The following PIN4 variants were observed in gnomAD, a reference collection of about 807,000 sequenced individuals.
PIN4 encodes the protein peptidylprolyl cis/trans isomerase, NIMA-interacting 4.
PIN4 carries 3 observed loss-of-function variants against 8.3 expected under a neutral mutation model. That is an observed-to-expected ratio of 0.36 (90% CI 0.16 to 0.93). PIN4 has a LOEUF of 0.93. Among genes scored for constraint, PIN4 ranks in the 40% least tolerant of loss-of-function variants. PIN4 has a pLI of 0.44. For missense variants in PIN4, 75 were observed against 100.6 expected, an observed-to-expected ratio of 0.75 and a Z score of 1.09; for synonymous variants, 18 against 32.5, an observed-to-expected ratio of 0.55 and a Z score of 1.52.
chrX:72,262,701 T>G, intron 3 of PIN4: 1 of 1,117,038 alleles, frequency 9.0e-7, no homozygotes, highest in African/African-American at 1.8e-5. Context: ...TCTTTATGTT[T>G]GGCAGATTCC....
intron 2 of PIN4, among the ~76,000 whole-genome samples, chrX:72,194,648 G>T (rs1286083971): frequency 9.9e-6 from 1 of 100,992 alleles, no homozygotes; most frequent in Admixed American, 1.2e-4. Context: ...GTTTCGGTGA[G>T]CCAAGATCGC....
At chrX:72,196,654 C>A in intron 2 of PIN4, 131 bp from the exon 3 acceptor site, 1 of 498,087 alleles carries the variant, frequency 2.0e-6, no homozygotes, top group Non-Finnish European at 3.2e-6. Flanking sequence ...GGGCAAACTT[C>A]CAGGATTTTT....
chrX:72,222,062 C>T (rs2042926379), intron 3 of PIN4, among the ~76,000 whole-genome samples: 1 of 109,855 alleles, frequency 9.1e-6, no homozygotes, highest in Non-Finnish European at 1.9e-5. Context: ...AGCCCCAAAC[C>T]CCACTCCTCC....
intron 3 of PIN4, chrX:72,208,580 T>C (rs1182070616): frequency 8.3e-7 from 1 of 1,211,577 alleles, no homozygotes; most frequent in South Asian, 1.8e-5. Context: ...GCTTCCTGTA[T>C]TTTTTGGATT....
downstream of PIN4, chrX:72,199,043 C>T (rs1281528461): frequency 2.7e-5 from 3 of 109,739 alleles, no homozygotes; most frequent in Admixed American, 9.8e-5. Flanking sequence ...CAGTGAGACC[C>T]CGTGTCTAAA....
intron 3 of PIN4, among the ~76,000 whole-genome samples, chrX:72,228,067 G>C (rs1291379591): frequency 5.4e-5 from 6 of 111,675 alleles, no homozygotes; most frequent in Non-Finnish European, 1.1e-4. Flanking sequence ...CTCTGTCTTT[G>C]CCTCTTTTAA....
intron 3 of PIN4, among the ~76,000 whole-genome samples, chrX:72,250,437 CA>C (rs1443121105): frequency 1.8e-5 from 2 of 110,575 alleles, no homozygotes; most frequent in Non-Finnish European, 3.8e-5. Context: ...TCTCAAAAAA[CA>C]AAAAAATGAC....
chrX:72,250,156 G>A (rs1963034970), intron 3 of PIN4, among the ~76,000 whole-genome samples: 1 of 109,334 alleles, frequency 9.1e-6, no homozygotes, highest in Non-Finnish European at 1.9e-5. Context: ...AGGCAAGTGG[G>A]GATAGAAGGC....
intron 3 of PIN4, chrX:72,206,047 T>C: frequency 8.3e-7 from 1 of 1,211,589 alleles, no homozygotes; most frequent in Non-Finnish European, 1.1e-6. Flanking sequence ...TGATTCTGCA[T>C]TTTGACTTTC....
At chrX:72,251,362 C>CAAAAAAAAAAAAAAAAAAAAAAAAAAAA (rs35914181) in intron 3 of PIN4, among the ~76,000 whole-genome samples, 1 of 65,628 alleles carries the variant, frequency 1.5e-5, no homozygotes, top group Non-Finnish European at 2.4e-5. Flanking sequence ...GACTCTGTCT[C>CAAAAAAAAAAAAAAAAAAAAAAAAAAAA]AAAAAAAAAA....
chrX:72,246,423 T>C (rs991541616), intron 3 of PIN4, among the ~76,000 whole-genome samples: 4 of 111,516 alleles, frequency 3.6e-5, no homozygotes, highest in African/African-American at 1.3e-4. Flanking sequence ...CCCCACTATC[T>C]GATCTCTACC....
chrX:72,240,150 G>C (rs1450509832), intron 3 of PIN4, among the ~76,000 whole-genome samples: 1 of 110,415 alleles, frequency 9.1e-6, no homozygotes, highest in African/African-American at 3.3e-5. Flanking sequence ...CACATACTTG[G>C]TATAATAAAA....
At chrX:72,222,252 G>A (rs1010918411) in intron 3 of PIN4, among the ~76,000 whole-genome samples, 14 of 111,903 alleles carry the variant, frequency 1.3e-4, no homozygotes, top group African/African-American at 3.9e-4. Flanking sequence ...TATCACTATC[G>A]CAGGGAATTC....
In PIN4 at chrX:72,220,569, A is replaced by C. The variant is rs777099978; in HGVS notation, c.312+23665A>C. On this transcript the variant is annotated intron_variant, in intron 3 of 3. Coordinates refer to the PIN4 transcript ENST00000423432. ...CCCTGACCAGAGACATGCTAGCCCC[A>C]AGATAACCCCCCTCTGGCCAGGAGG... Among the ~76,000 whole-genome samples the C allele has an allele frequency of 1.1e-4, 12 of 111,211 alleles. No individual in the cohort carries two copies. In the East Asian group the frequency reaches 2.6e-3, roughly 24 times the overall value.
In PIN4 at chrX:72,214,151, G is replaced by C. The variant is rs2042873596; in HGVS notation, c.312+17247G>C. Among the ~76,000 whole-genome samples, 3 of 112,078 alleles carry C rather than the reference G, an allele frequency of 2.7e-5. No individual in the cohort carries two copies. In the Admixed American group the frequency reaches 2.8e-4, roughly 11 times the overall value. On this transcript the variant is annotated intron_variant, in intron 3 of 3. Coordinates refer to the PIN4 transcript ENST00000423432. ...TAAAGCCCAAGTCATGGCAGAGTAG[G>C]CTAGGAGGATTCCTTCCTTTTGGCT...
intron 3 of PIN4, chrX:72,238,810 G>A (rs2043032387): frequency 8.6e-7 from 1 of 1,157,539 alleles, no homozygotes; most frequent in Non-Finnish European, 1.2e-6. Flanking sequence ...GGGCCAGGTC[G>A]GTTAGCTAGA....
At chrX:72,261,476 T>C (rs1181399876) in intron 3 of PIN4, among the ~76,000 whole-genome samples, 1 of 111,667 alleles carries the variant, frequency 9.0e-6, no homozygotes, top group African/African-American at 3.3e-5. Context: ...TCGATTCTAA[T>C]GTAAGGCCAG....
At chrX:72,239,161 G>A in intron 3 of PIN4, 2 of 381,440 alleles carry the variant, frequency 5.2e-6, no homozygotes, top group South Asian at 8.4e-5. Flanking sequence ...GCGCCGGGAA[G>A]CAGAAGGTGA....
At chrX:72,231,338 G>T (rs1453736017) in intron 3 of PIN4, among the ~76,000 whole-genome samples, 1 of 111,504 alleles carries the variant, frequency 9.0e-6, no homozygotes, top group East Asian at 2.8e-4. Flanking sequence ...AATACTCCAT[G>T]ATCTCGCTTA....
Sources: allele counts gnomAD v4.1 joint callset (sites outside exome capture counted in the v4.1 genomes callset), GRCh38; gene constraint gnomAD v4.1.1; transcripts MANE v1.5; gene names NCBI Gene and HGNC (gene_info 2026-07-23, HGNC 2026-07-21).